Variants in ELAVL2 observed in about 807,000 individuals in gnomAD.
ELAVL2 encodes the protein ELAV like RNA binding protein 2.
A neutral mutation model predicts 34.6 loss-of-function variants in ELAVL2; 4 were observed. The ratio of observed to expected loss-of-function variants is 0.12; its 90% CI spans 0.06 to 0.26. The LOEUF (loss-of-function observed/expected upper bound fraction) is 0.26, where lower values mean the gene tolerates loss of function less well. ELAVL2 is among the 10% of genes least tolerant of loss of function. The probability of loss-of-function intolerance (pLI) is 1.00; values close to 1 mark genes in which losing one functional copy is unlikely to be tolerated. For missense variants in ELAVL2, 432 were observed against 442.8 expected (o/e 0.98, Z 0.22); for synonymous variants, 193 against 154.8 (o/e 1.25, Z -1.83).
intron 6 of ELAVL2, among the ~76,000 whole-genome samples, chr9:23,693,141 T>C (rs538633368): frequency 1.4e-4 from 22 of 152,246 alleles, no homozygotes; most frequent in Non-Finnish European, 2.5e-4. Flanking sequence ...AGCAAAGAAA[T>C]ATATTTAGAA....
chr9:23,698,453 A>G (rs1216622862), intron 5 of ELAVL2, among the ~76,000 whole-genome samples: 2 of 152,338 alleles, frequency 1.3e-5, no homozygotes, highest in East Asian at 3.9e-4. Context: ...TTTTGACCAT[A>G]AAAGATATGG....
chr9:23,820,760 AG>A (rs1414100439), intron 1 of ELAVL2, among the ~76,000 whole-genome samples: 1 of 152,190 alleles, frequency 6.6e-6, no homozygotes, highest in Non-Finnish European at 1.5e-5. Context: ...CGCCGCTGGC[AG>A]GCCCTACCAG....
chr9:23,780,034 A>C (rs1369604479), intron 1 of ELAVL2, among the ~76,000 whole-genome samples: 2 of 119,002 alleles, frequency 1.7e-5, no homozygotes, highest in African/African-American at 3.2e-5. Flanking sequence ...AAAAAAAAAA[A>C]CTTCATGAAC....
chr9:23,756,328 C>A (rs959949168), intron 2 of ELAVL2, among the ~76,000 whole-genome samples: 1 of 152,108 alleles, frequency 6.6e-6, no homozygotes, highest in Non-Finnish European at 1.5e-5. Context: ...TCTCTTTGGG[C>A]CCTCTGGAAT....
At chr9:23,743,327 A>T (rs1209436692) in intron 2 of ELAVL2, among the ~76,000 whole-genome samples, 1 of 152,180 alleles carries the variant, frequency 6.6e-6, no homozygotes, top group Non-Finnish European at 1.5e-5. Context: ...ACACATAAGC[A>T]TTTCTTCCCA....
chr9:23,764,846 T>C lies in ELAVL2; in HGVS notation c.-15-2597A>G, dbSNP rs189318740. Among the ~76,000 whole-genome samples the C allele has an allele frequency of 1.2e-3, 188 of 152,274 alleles. 1 individual carries two copies. Among genetic ancestry groups the C allele is most frequent in the African/African-American group, 4.0e-3 (167 of 41,576 alleles). On this transcript the variant is annotated intron_variant, in intron 1 of 6. Coordinates refer to ENST00000397312, the MANE Select transcript of ELAVL2 (RefSeq NM_004432.5). ...GCTACATACACCACTACAGTTAAAA[T>C]TGCAATGTGCTTTAAGTCCTAATGA...
At chr9:23,715,921 G>C (rs1334311980) in intron 3 of ELAVL2, among the ~76,000 whole-genome samples, 1 of 152,098 alleles carries the variant, frequency 6.6e-6, no homozygotes, top group Non-Finnish European at 1.5e-5. Context: ...CAATTTTGGT[G>C]AATTAAACAT....
intron 1 of ELAVL2, among the ~76,000 whole-genome samples, chr9:23,783,744 C>T (rs772394614): frequency 3.8e-4 from 57 of 151,558 alleles, no homozygotes; most frequent in African/African-American, 6.3e-4. Context: ...CAACACAGGA[C>T]GCAATCTGGT....
chr9:23,823,609 TAAC>T (rs945475119), intron 1 of ELAVL2, among the ~76,000 whole-genome samples: 47 of 152,286 alleles, frequency 3.1e-4, no homozygotes, highest in African/African-American at 1.1e-3. Flanking sequence ...GTTAACCCCA[TAAC>T]AACTTCGAAA....
intron 2 of ELAVL2, among the ~76,000 whole-genome samples, chr9:23,748,089 T>G (rs1468266840): frequency 6.6e-6 from 1 of 150,672 alleles, no homozygotes; most frequent in East Asian, 2.0e-4. Flanking sequence ...ATTGTTCCAG[T>G]GGTCTAAAAA....
chr9:23,701,696 G>A (rs2037296335), intron 4 of ELAVL2, 92 bp from the exon 5 acceptor site: 7 of 1,364,756 alleles, frequency 5.1e-6, no homozygotes, highest in Non-Finnish European at 1.0e-6. Flanking sequence ...TCCTTCTCAA[G>A]AACATGTTTT....
intron 4 of ELAVL2, 61 bp downstream of exon 4, chr9:23,704,857 A>C (rs1240456368): frequency 1.9e-6 from 3 of 1,593,348 alleles, no homozygotes; most frequent in East Asian, 4.5e-5. Context: ...GAAAGACAGA[A>C]TATTTCACAA....
intron 1 of ELAVL2, among the ~76,000 whole-genome samples, chr9:23,773,667 A>G (rs1197679642): frequency 1.3e-5 from 2 of 152,240 alleles, no homozygotes; most frequent in Admixed American, 6.5e-5. Flanking sequence ...ACGCAATTAC[A>G]GGCTACATTT....
intron 1 of ELAVL2, among the ~76,000 whole-genome samples, chr9:23,807,339 C>CT (rs1020771526): frequency 2.1e-4 from 32 of 152,168 alleles, no homozygotes; most frequent in African/African-American, 7.2e-4. Context: ...TTTCCTTAAC[C>CT]TTTTTTCCGT....
intron 1 of ELAVL2, among the ~76,000 whole-genome samples, chr9:23,807,439 A>G (rs541678213): frequency 7.2e-5 from 11 of 152,274 alleles, no homozygotes; most frequent in Admixed American, 5.9e-4. Context: ...ACTCCACAGA[A>G]GCCACTGACA....
At chr9:23,840,248 C>T in the ELAVL2 span, among the ~76,000 whole-genome samples, 306 of 152,278 alleles carry the variant, frequency 2.0e-3, no homozygotes, top group African/African-American at 7.1e-3. Flanking sequence ...CTTCATTAGA[C>T]GACAGAACTG....
intron 1 of ELAVL2, among the ~76,000 whole-genome samples, chr9:23,769,389 C>CT (rs915626899): frequency 1.3e-5 from 2 of 152,136 alleles, no homozygotes; most frequent in East Asian, 1.9e-4. Flanking sequence ...ATAGCAAATG[C>CT]TTTATCTTTC....
chr9:23,844,048 C>T, the ELAVL2 span, among the ~76,000 whole-genome samples: 1 of 151,874 alleles, frequency 6.6e-6, no homozygotes, highest in Admixed American at 6.6e-5. Flanking sequence ...ATTTGAAAAG[C>T]CACTGTTACA....
intron 3 of ELAVL2, among the ~76,000 whole-genome samples, chr9:23,710,778 A>G (rs566100553): frequency 1.2e-4 from 18 of 152,314 alleles, no homozygotes; most frequent in African/African-American, 3.6e-4. Flanking sequence ...AAATGACACT[A>G]TAACTCAATA....
Sources: gnomAD v4.1 joint callset for allele counts (sites outside exome capture counted in the v4.1 genomes callset) on GRCh38, gnomAD v4.1.1 for gene constraint, MANE v1.5 for transcripts, NCBI Gene and HGNC (gene_info 2026-07-23, HGNC 2026-07-21) for gene names.